Variants in NXPE3 observed in about 807,000 individuals in gnomAD.
NXPE3 encodes the protein neurexophilin and PC-esterase domain family member 3.
A neutral mutation model predicts 46.1 loss-of-function variants in NXPE3; 26 were observed. The observed-to-expected ratio is 0.56, with a 90% CI of 0.41 to 0.78. The LOEUF is 0.78. Ranked by LOEUF, NXPE3 falls within the 30% of genes least tolerant of loss-of-function variation. The pLI is 0.00. For synonymous variants in NXPE3, 272 were observed against 257.9 expected, an observed-to-expected ratio of 1.05 and a Z score of -0.52; for missense variants, 620 against 686.0, an observed-to-expected ratio of 0.90 and a Z score of 1.07.
At chr3:101,820,232 C>T (rs1683891611) in intron 7 of NXPE3, among the ~76,000 whole-genome samples, 1 of 152,088 alleles carries the variant, frequency 6.6e-6, no homozygotes, top group Non-Finnish European at 1.5e-5. Flanking sequence ...AGACACTTCT[C>T]AAAAGAAGAC....
Position 101,825,471 on chromosome 3 carries a change from A to G in NXPE3, c.*3517A>G, listed in dbSNP as rs1942452988. The G allele has an allele frequency of 2.0e-5, 3 of 152,250 alleles. No homozygotes were observed. Among genetic ancestry groups the G allele is most frequent in the African/African-American group, 7.2e-5 (3 of 41,474 alleles). 9.4% of individuals were successfully genotyped at this position (152,250 alleles called of 1,614,324 possible). On this transcript the variant is annotated 3_prime_UTR_variant, in exon 8 of 8. Transcript: ENST00000273347. ...TCCCAATATAAATATAAGGGGCATC[A>G]TAATTTTTAAAAACTATAAAATCTA...
Position 101,827,798 on chromosome 3 carries a change from C to T in NXPE3, c.*5844C>T, listed in dbSNP as rs1942563134. On this transcript the variant is annotated 3_prime_UTR_variant, in exon 8 of 8. Transcript: ENST00000273347. ...TTCCAGTGTGCAGAAAAAAAATCCA[C>T]AAATCTAGGCCTCGCTGCCCCCTCC... Among the ~76,000 whole-genome samples the T allele has an allele frequency of 6.6e-6, 1 of 152,174 alleles. No individual in the cohort carries two copies. Among genetic ancestry groups the T allele is most frequent in the Non-Finnish European group, 1.5e-5 (1 of 68,032 alleles).
intron 6 of NXPE3, among the ~76,000 whole-genome samples, chr3:101,816,589 A>T (rs933871812): frequency 2.0e-5 from 3 of 152,150 alleles, no homozygotes; most frequent in Non-Finnish European, 4.4e-5. Context: ...TGTCCCTGCA[A>T]AGGACATGAA....
At chr3:101,790,077 C>T (rs1056121783) in intron 4 of NXPE3, among the ~76,000 whole-genome samples, 1 of 152,072 alleles carries the variant, frequency 6.6e-6, no homozygotes, top group African/African-American at 2.4e-5. Context: ...TCATTTAATT[C>T]CCCTGAGAGC....
rs989752183 is a variant in NXPE3 at position 101,822,257 on chromosome 3, G to T, written c.*303G>T. On this transcript the variant is annotated 3_prime_UTR_variant, in exon 8 of 8. Transcript: ENST00000273347. ...TTTGAATTAGCTTCTCCTAGGAGGG[G>T]TGACTACTTTGCTAAAGAGTATGAA... 4.0e-5 allele frequency: 12 copies of T among 299,382 alleles called. No homozygotes were observed. Among genetic ancestry groups the T allele is most frequent in the East Asian group, 5.8e-5 (1 of 17,154 alleles). The allele number at this position is 299,382 out of a possible 1,614,324, so 18.5% of individuals were successfully genotyped here. A position where few individuals can be genotyped will look rare whatever the true frequency, so the allele number is the denominator to read the frequency against.
intron 5 of NXPE3, among the ~76,000 whole-genome samples, chr3:101,806,078 A>G (rs778198904): frequency 3.2e-4 from 48 of 152,034 alleles, no homozygotes; most frequent in Non-Finnish European, 5.6e-4. Context: ...GTCTGTCTCC[A>G]TGTCAGCTCC....
At chr3:101,815,073 A>C (rs764889587) in intron 6 of NXPE3, among the ~76,000 whole-genome samples, 1 of 152,222 alleles carries the variant, frequency 6.6e-6, no homozygotes, top group Non-Finnish European at 1.5e-5. Flanking sequence ...AATATTAGCC[A>C]TCACAGTCTG....
At chr3:101,816,366 C>G (rs902354572) in intron 6 of NXPE3, among the ~76,000 whole-genome samples, 3 of 151,906 alleles carry the variant, frequency 2.0e-5, no homozygotes, top group African/African-American at 4.8e-5. Flanking sequence ...CTGCACCTGT[C>G]AACCCATCAT....
In NXPE3 at chr3:101,799,471, G is replaced by A. The variant is rs551979201; in HGVS notation, c.94-1764G>A. The stretch of plus-strand genomic sequence containing the variant: ...AGATGGAGTCTCATTCTGTCGCCCA[G>A]CCTGGAGTGCAGTGGCGCGATCTTG... On this transcript the variant is annotated intron_variant, in intron 4 of 7. Transcript: ENST00000273347. Among the ~76,000 whole-genome samples the A allele has an allele frequency of 2.0e-4, 31 of 152,138 alleles. 1 individual carries two copies. In the South Asian group the frequency reaches 2.5e-3, roughly 12 times the overall value.
intron 6 of NXPE3, among the ~76,000 whole-genome samples, chr3:101,808,818 G>GATAGATATATATAT (rs1553802986): frequency 1.3e-4 from 4 of 30,810 alleles, no homozygotes; most frequent in East Asian, 1.1e-3. Flanking sequence ...AATTTTAGAG[G>GATAGATATATATAT]ATATATATAT....
intron 6 of NXPE3, among the ~76,000 whole-genome samples, chr3:101,814,260 T>G (rs984681068): frequency 6.6e-6 from 1 of 152,244 alleles, no homozygotes; most frequent in Non-Finnish European, 1.5e-5. Context: ...GATGTACTGA[T>G]ATAATGAGGG....
rs374827911 is a variant in NXPE3, at chr3:101,782,234, G to A, written c.-373G>A. The A allele has an allele frequency of 7.9e-5, 12 of 152,260 alleles. No homozygotes were observed. The highest frequency in any genetic ancestry group is 3.4e-3 in the Middle Eastern group (1 of 294). The allele number at this position is 152,260 out of a possible 1,614,324, so 9.4% of individuals were successfully genotyped here. ...TTTCATGCTGGAAGGAAAGTTAGAC[G>A]TAACTTCTAATTTCTAGTTCCAGTA... On this transcript the variant is annotated 5_prime_UTR_variant, in exon 2 of 8. Transcript: ENST00000273347.
At chr3:101,780,788 C>G (rs1939772588) in intron 1 of NXPE3, among the ~76,000 whole-genome samples, 1 of 152,202 alleles carries the variant, frequency 6.6e-6, no homozygotes, top group South Asian at 2.1e-4. Flanking sequence ...GCTATGTAAC[C>G]TCCATGAATA....
rs988179285 is a variant in NXPE3 at position 101,825,696 on chromosome 3, C to G, written c.*3742C>G. ...AATTATAAAGATCTGCTTAATAGTT[C>G]TGCTACTGCAGTTTTCATTATTAGA... On this transcript the variant is annotated 3_prime_UTR_variant, in exon 8 of 8. Transcript: ENST00000273347. 6.6e-5 allele frequency: 10 copies of G among 152,212 alleles called. No individual in the cohort carries two copies. Among genetic ancestry groups the G allele is most frequent in the African/African-American group, 2.2e-4 (9 of 41,532 alleles). The allele number at this position is 152,212 out of a possible 1,614,324, so 9.4% of individuals were successfully genotyped here. A position where few individuals can be genotyped will look rare whatever the true frequency, so the allele number is the denominator to read the frequency against.
chr3:101,795,750 A>G (rs897278938), intron 4 of NXPE3, among the ~76,000 whole-genome samples: 1 of 152,124 alleles, frequency 6.6e-6, no homozygotes, highest in Non-Finnish European at 1.5e-5. Flanking sequence ...TAATGGTAAT[A>G]TATATTACTC....
intron 6 of NXPE3, among the ~76,000 whole-genome samples, chr3:101,808,678 T>C (rs891348784): frequency 1.3e-5 from 2 of 151,828 alleles, no homozygotes; most frequent in Admixed American, 1.3e-4. Context: ...AAATAAAATC[T>C]GTTTGGCCCA....
intron 6 of NXPE3, among the ~76,000 whole-genome samples, chr3:101,814,886 G>T (rs1941900767): frequency 6.6e-6 from 1 of 152,136 alleles, no homozygotes; most frequent in African/African-American, 2.4e-5. Context: ...GGGCTCACTT[G>T]CTTGGGCCAG....
chr3:101,820,110 G>T (rs536284379), intron 7 of NXPE3, among the ~76,000 whole-genome samples: 2 of 152,100 alleles, frequency 1.3e-5, no homozygotes, highest in Non-Finnish European at 1.5e-5. Context: ...TTGCTGATAT[G>T]TGCTCATAAA....
rs200120136 is a variant in NXPE3 at position 101,821,519 on chromosome 3, G to A, written c.1245G>A (p.Thr415=). The A allele has an allele frequency of 1.5e-4, 240 of 1,614,136 alleles. 2 individuals are homozygous for A. In the Middle Eastern group the frequency reaches 6.1e-3, roughly 41 times the overall value. The change falls in exon 8 of 8, where the codon ACG becomes ACA. Residue 415 remains threonine, a synonymous_variant. Coordinates refer to ENST00000273347, the MANE Select transcript of NXPE3 (RefSeq NM_145037.4). The part of the protein sequence containing the change: ...YRCHGPPIRF[T]TVFSNELHYV... ...GCCATGGTCCACCCATCCGCTTCAC[G>A]ACTGTCTTTAGCAATGAGCTCCATT... is the stretch of plus-strand genomic sequence containing the variant.
Sources: gnomAD v4.1 joint callset for allele counts (sites outside exome capture counted in the v4.1 genomes callset) on GRCh38, gnomAD v4.1.1 for gene constraint, MANE v1.5 for transcripts, NCBI Gene and HGNC (gene_info 2026-07-23, HGNC 2026-07-21) for gene names.